OR2L13: variants seen among roughly 807,000 people sequenced by gnomAD.
OR2L13 encodes the protein olfactory receptor family 2 subfamily L member 13.
A neutral mutation model predicts 15.3 loss-of-function variants in OR2L13; 14 were observed. The observed-to-expected ratio is 0.91, with a 90% CI of 0.60 to 1.43. OR2L13 has a LOEUF of 1.43. OR2L13 is among the 40% of genes most tolerant of loss of function. The pLI is 0.00. For missense variants in OR2L13, 367 were observed against 387.9 expected, an observed-to-expected ratio of 0.95 and a Z score of 0.45; for synonymous variants, 152 against 142.9, an observed-to-expected ratio of 1.06 and a Z score of -0.45.
At chr1:247,989,127 T>C in the OR2L13 span, among the ~76,000 whole-genome samples, 1 of 152,092 alleles carries the variant, frequency 6.6e-6, no homozygotes, top group Non-Finnish European at 1.5e-5. Context: ...CAAAAGAGAA[T>C]GGATGGTGGT....
chr1:248,022,928 A>G, the OR2L13 span: 1 of 1,540,784 alleles, frequency 6.5e-7, no homozygotes, highest in Non-Finnish European at 8.8e-7. Context: ...GGTTCATATC[A>G]ACTCAGCAGT....
At chr1:248,034,446 C>T in the OR2L13 span, among the ~76,000 whole-genome samples, 24 of 152,078 alleles carry the variant, frequency 1.6e-4, no homozygotes, top group South Asian at 6.2e-4. Flanking sequence ...CCAGATTTTT[C>T]GACTATTTAA....
At chr1:248,031,081 T>A in the OR2L13 span, among the ~76,000 whole-genome samples, 1 of 152,294 alleles carries the variant, frequency 6.6e-6, no homozygotes, top group African/African-American at 2.4e-5. Context: ...TTTTGGTGGA[T>A]AAAAAACTAA....
chr1:248,030,969 A>G, the OR2L13 span, among the ~76,000 whole-genome samples: 1 of 152,218 alleles, frequency 6.6e-6, no homozygotes, highest in Non-Finnish European at 1.5e-5. Flanking sequence ...TCCTGTGTAT[A>G]ACATCATTAA....
At chr1:247,975,575 AC>A in the OR2L13 span, 5 of 1,307,894 alleles carry the variant, frequency 3.8e-6, no homozygotes, top group Non-Finnish European at 1.1e-6. Flanking sequence ...TCAATGCTCA[AC>A]CCCATCATCT....
upstream of OR2L13, among the ~76,000 whole-genome samples, chr1:248,095,517 G>GATATACTA (rs1664712010): frequency 6.6e-6 from 1 of 150,836 alleles, no homozygotes; most frequent in South Asian, 2.1e-4. Flanking sequence ...TTGATAGCCT[G>GATATACTA]ATATACTATC....
At chr1:248,054,649 T>A in the OR2L13 span, among the ~76,000 whole-genome samples, 2 of 152,178 alleles carry the variant, frequency 1.3e-5, no homozygotes. Flanking sequence ...TTTGAATAGG[T>A]CCTTCACTTC....
the OR2L13 span, chr1:247,990,833 C>G: frequency 5.3e-5 from 84 of 1,588,344 alleles, no homozygotes; most frequent in Non-Finnish European, 6.8e-5. Flanking sequence ...CTAGCCTGCA[C>G]GGATACCTGG....
the OR2L13 span, among the ~76,000 whole-genome samples, chr1:248,030,432 T>C: frequency 1.3e-5 from 2 of 152,264 alleles, no homozygotes; most frequent in Admixed American, 1.3e-4. Context: ...TTGCAACTAA[T>C]TCATAAATGT....
chr1:247,939,288 A>G, the OR2L13 span: 1 of 152,136 alleles, frequency 6.6e-6, no homozygotes, highest in Non-Finnish European at 1.5e-5. Flanking sequence ...GCAGCATCAT[A>G]TTTTTGCTCA....
At chr1:247,958,028 G>A in the OR2L13 span, among the ~76,000 whole-genome samples, 1,595 of 151,998 alleles carry the variant, frequency 0.01, 15 homozygotes, top group Middle Eastern at 0.02. Context: ...TTTTAATGGT[G>A]ATGTTAGGGT....
chr1:247,972,297 T>C, the OR2L13 span, among the ~76,000 whole-genome samples: 1 of 151,964 alleles, frequency 6.6e-6, no homozygotes. Flanking sequence ...GATGGAGACA[T>C]GAAAAACCCT....
the OR2L13 span, among the ~76,000 whole-genome samples, chr1:248,082,361 A>T: frequency 2.5e-3 from 1 of 394 alleles, no homozygotes; most frequent in African/African-American, 0.01. Flanking sequence ...GGGTGGGGGG[A>T]GGGGGGAGGA....
At chr1:248,059,627 C>G in the OR2L13 span, among the ~76,000 whole-genome samples, 2 of 152,144 alleles carry the variant, frequency 1.3e-5, no homozygotes, top group Non-Finnish European at 2.9e-5. Context: ...TTCTGGATTT[C>G]TAAATAAATG....
the OR2L13 span, among the ~76,000 whole-genome samples, chr1:248,089,527 C>A: frequency 3.3e-5 from 5 of 152,072 alleles, no homozygotes; most frequent in African/African-American, 1.2e-4. Flanking sequence ...TAAGTTCCTT[C>A]GGGGAAATTC....
upstream of OR2L13, among the ~76,000 whole-genome samples, chr1:248,096,976 G>T (rs566973650): frequency 4.2e-4 from 64 of 152,234 alleles, 1 homozygote; most frequent in African/African-American, 1.5e-3. Flanking sequence ...GGGGGCTCTG[G>T]ACTGACTTGT....
the OR2L13 span, among the ~76,000 whole-genome samples, chr1:248,051,603 G>C: frequency 6.6e-6 from 1 of 152,016 alleles, no homozygotes; most frequent in South Asian, 2.1e-4. Context: ...TGAGGGAGGA[G>C]GCAAGGGTTG....
chr1:248,073,335 A>T, the OR2L13 span, among the ~76,000 whole-genome samples: 1 of 152,206 alleles, frequency 6.6e-6, no homozygotes, highest in Non-Finnish European at 1.5e-5. Context: ...AGGGACATGG[A>T]TGAAATTGGA....
chr1:248,032,289 G>C, the OR2L13 span, among the ~76,000 whole-genome samples: 1 of 151,904 alleles, frequency 6.6e-6, no homozygotes, highest in Non-Finnish European at 1.5e-5. Context: ...ATATTTAAAT[G>C]TTTTTATTAT....
Sources: gnomAD v4.1 joint callset for allele counts (sites outside exome capture counted in the v4.1 genomes callset) on GRCh38, gnomAD v4.1.1 for gene constraint, MANE v1.5 for transcripts, NCBI Gene and HGNC (gene_info 2026-07-23, HGNC 2026-07-21) for gene names.